Variants in RAI2 observed in about 807,000 individuals in gnomAD.
RAI2 encodes retinoic acid induced 2.
A neutral mutation model predicts 15.3 loss-of-function variants in RAI2; 5 were observed. The ratio of observed to expected loss-of-function variants is 0.33; its 90% CI spans 0.17 to 0.69. The LOEUF (loss-of-function observed/expected upper bound fraction) is 0.69. RAI2 is among the 30% of genes least tolerant of loss of function. RAI2 has a pLI of 0.69. For missense variants in RAI2, 424 were observed against 424.7 expected (o/e 1.00, Z 0.01); for synonymous variants, 191 against 184.0 (o/e 1.04, Z -0.31).
intron 1 of RAI2, among the ~76,000 whole-genome samples, chrX:17,842,923 T>C (rs1459413445): frequency 8.9e-6 from 1 of 111,860 alleles, no homozygotes; most frequent in African/African-American, 3.3e-5. Context: ...GTGACCAGCA[T>C]GTCAGCCAGA....
chrX:17,860,008 A>G (rs1415026366), intron 1 of RAI2, among the ~76,000 whole-genome samples: 2 of 112,135 alleles, frequency 1.8e-5, no homozygotes, highest in Non-Finnish European at 3.8e-5. Context: ...TCTGCCACAA[A>G]AGGAATATTC....
intron 1 of RAI2, among the ~76,000 whole-genome samples, chrX:17,840,873 T>A (rs1282757634): frequency 8.9e-6 from 1 of 111,802 alleles, no homozygotes; most frequent in Non-Finnish European, 1.9e-5. Flanking sequence ...TGGCCACACA[T>A]ACAACTGCAA....
At chrX:17,848,713 T>C (rs2067492683) in intron 1 of RAI2, among the ~76,000 whole-genome samples, 1 of 111,140 alleles carries the variant, frequency 9.0e-6, no homozygotes, top group African/African-American at 3.3e-5. Flanking sequence ...TGTAGGGGCA[T>C]GGAGGGGTGG....
At chrX:17,834,588 G>A (rs763470586) in intron 1 of RAI2, among the ~76,000 whole-genome samples, 3 of 110,474 alleles carry the variant, frequency 2.7e-5, no homozygotes, top group South Asian at 3.9e-4. Context: ...AATTTGACTC[G>A]CTTTACTTTT....
chrX:17,806,497 T>A (rs1208527043), intron 1 of RAI2, among the ~76,000 whole-genome samples: 1 of 111,256 alleles, frequency 9.0e-6, no homozygotes. Context: ...ATCTGCAAGT[T>A]GCTGGAGACC....
At chrX:17,836,210 T>C (rs1366122023) in intron 1 of RAI2, among the ~76,000 whole-genome samples, 1 of 111,588 alleles carries the variant, frequency 9.0e-6, no homozygotes. Context: ...GACCAAGCTG[T>C]CTGCCCTCAT....
intron 1 of RAI2, among the ~76,000 whole-genome samples, chrX:17,845,304 C>T (rs369487553): frequency 2.7e-5 from 3 of 112,744 alleles, no homozygotes; most frequent in African/African-American, 9.7e-5. Context: ...TCACATCTTC[C>T]TCTAGTTTTC....
intron 1 of RAI2, among the ~76,000 whole-genome samples, chrX:17,833,239 G>C (rs778657097): frequency 9.0e-6 from 1 of 111,628 alleles, no homozygotes; most frequent in Admixed American, 9.5e-5. Flanking sequence ...TATGAATTTC[G>C]GGCTGGGCAT....
rs1018081035 is a variant in RAI2 at position 17,801,355 on chromosome X, G to T, written c.656C>A (p.Ser219Tyr). 4 of 1,149,100 alleles carry T rather than the reference G, an allele frequency of 3.5e-6. No individual in the cohort carries two copies. Among genetic ancestry groups the T allele is most frequent in the Non-Finnish European group, 4.6e-6 (4 of 865,541 alleles). 94.7% of individuals were successfully genotyped at this position (1,149,100 alleles called of 1,213,427 possible). ...TGGTGGGACCAGGGGGGACAAGGGG[G>T]AGCTAAAAGGCTGTGGGGGCACAGG... ...YAPVPPQPFS[S>Y]PLSPLVPPAT... The change falls in exon 2 of 2, where the codon TCC becomes TAC. Residue 219 changes from serine (S) to tyrosine (Y), a missense_variant. By Grantham distance (144) the Ser-to-Tyr change is moderately radical. Transcript: ENST00000451717.
intron 1 of RAI2, among the ~76,000 whole-genome samples, chrX:17,815,876 A>G (rs1207147247): frequency 1.8e-5 from 2 of 111,130 alleles, no homozygotes; most frequent in East Asian, 5.7e-4. Context: ...CAACCGACAC[A>G]ATCTTGATGT....
At chrX:17,853,007 T>C (rs1467087592) in intron 1 of RAI2, among the ~76,000 whole-genome samples, 5 of 109,447 alleles carry the variant, frequency 4.6e-5, no homozygotes, top group Non-Finnish European at 9.5e-5. Context: ...GCTAAATCAA[T>C]TGGCTCGGGC....
At chrX:17,803,406 G>A (rs2066942079) in intron 1 of RAI2, among the ~76,000 whole-genome samples, 1 of 110,259 alleles carries the variant, frequency 9.1e-6, no homozygotes. Flanking sequence ...CACGCCTGTA[G>A]TCCCAGCTAC....
intron 1 of RAI2, among the ~76,000 whole-genome samples, chrX:17,808,193 C>A (rs1347613106): frequency 9.0e-6 from 1 of 110,893 alleles, no homozygotes; most frequent in Non-Finnish European, 1.9e-5. Flanking sequence ...GATTGAATAC[C>A]CCTGGATGCC....
In RAI2 at chrX:17,801,579, G is replaced by A; in HGVS notation, c.432C>T (p.Ala144=). 1 of 1,208,707 alleles carries A rather than the reference G, an allele frequency of 8.3e-7. No individual in the cohort carries two copies. Among genetic ancestry groups the A allele is most frequent in the Non-Finnish European group, 1.1e-6 (1 of 894,000 alleles). ...TGTGGATGGTACTGGAGGAGCATGG[G>A]GCCTCCTGCGGCAGGACCAGAGGGG... is the stretch of plus-strand genomic sequence containing the variant. ...LNSPLVLPQE[A]PCSSSTIHNN... Residue 144 remains alanine (A), a synonymous_variant, in exon 2 of 2, where the codon GCC becomes GCT. Transcript: ENST00000451717.
At chrX:17,816,830 T>C (rs1382846351) in intron 1 of RAI2, among the ~76,000 whole-genome samples, 1 of 111,684 alleles carries the variant, frequency 9.0e-6, no homozygotes, top group Non-Finnish European at 1.9e-5. Context: ...GGTGTGGCCA[T>C]GTGCCTGAGT....
intron 1 of RAI2, among the ~76,000 whole-genome samples, chrX:17,811,065 C>A (rs1336071694): frequency 2.7e-5 from 3 of 112,404 alleles, no homozygotes; most frequent in African/African-American, 6.5e-5. Flanking sequence ...GGTAAGAATG[C>A]CAGTCCCTAG....
rs777461647 is a variant in RAI2, at chrX:17,853,933, T to C, written c.-25+7165A>G. On this transcript the variant is annotated intron_variant, in intron 1 of 1. Coordinates refer to ENST00000451717, the MANE Select transcript of RAI2 (RefSeq NM_021785.6). ...AGTTATGTTCCATACAAAACCAAAA[T>C]CAATACACTGTATCTTACCTAAACT... is the stretch of plus-strand genomic sequence containing the variant. Among the ~76,000 whole-genome samples the C allele has an allele frequency of 2.7e-5, 3 of 111,014 alleles. No individual in the cohort carries two copies. The South Asian group carries it at 1.2e-3, about 43-fold the overall frequency.
chrX:17,816,653 T>C (rs758049442), intron 1 of RAI2, among the ~76,000 whole-genome samples: 5 of 112,143 alleles, frequency 4.5e-5, no homozygotes, highest in Non-Finnish European at 7.5e-5. Context: ...CTTTTCTTTT[T>C]GGAGCTCAAT....
At chrX:17,813,992 G>C (rs2067077737) in intron 1 of RAI2, among the ~76,000 whole-genome samples, 1 of 111,799 alleles carries the variant, frequency 8.9e-6, no homozygotes, top group African/African-American at 3.3e-5. Context: ...GGGTTTTGGT[G>C]AACTCAACTA....
Sources: allele counts gnomAD v4.1 joint callset (sites outside exome capture counted in the v4.1 genomes callset), GRCh38; gene constraint gnomAD v4.1.1; transcripts MANE v1.5; gene names NCBI Gene and HGNC (gene_info 2026-07-23, HGNC 2026-07-21).